The following FGF18 variants were observed in gnomAD, a reference collection of about 807,000 sequenced individuals.
The protein encoded by FGF18 is fibroblast growth factor 18.
Under a neutral mutation model 23.0 loss-of-function variants are expected in FGF18, and 5 were observed. The observed-to-expected ratio is 0.22, with a 90% CI of 0.11 to 0.46. FGF18 has a LOEUF of 0.46. Ranked by LOEUF, FGF18 falls within the 20% of genes least tolerant of loss-of-function variation. FGF18 has a pLI of 0.99. For missense variants in FGF18, 180 were observed against 291.6 expected (o/e 0.62, Z 2.79); for synonymous variants, 117 against 118.9 (o/e 0.98, Z 0.10).
At chr5:171,438,193 C>T (rs1467197060) in intron 3 of FGF18, among the ~76,000 whole-genome samples, 2 of 151,366 alleles carry the variant, frequency 1.3e-5, no homozygotes, top group African/African-American at 2.4e-5. Flanking sequence ...CCTCTGCCTC[C>T]TGGGTTCAAG....
rs56932885 is a variant in FGF18 at position 171,449,360 on chromosome 5, CGTGT to C, written c.357+145_357+148del. ...TGTCAGTCCCAAATGGAAAACAGGC[CGTGT>C]GTGTGTGTGTGTGTGTGTGTGTGTG... On this transcript the variant is annotated intron_variant, in intron 4 of 4. Transcript: ENST00000274625. 943 of 187,200 alleles carry C rather than the reference CGTGT, an allele frequency of 5.0e-3. 15 individuals are homozygous for C. The highest frequency in any genetic ancestry group is 0.032 in the African/African-American group (852 of 26,682). The allele number at this position is 187,200 out of a possible 1,614,324, so 11.6% of individuals were successfully genotyped here.
At chr5:171,453,731 G>A (rs973431843) in intron 4 of FGF18, among the ~76,000 whole-genome samples, 2 of 152,130 alleles carry the variant, frequency 1.3e-5, no homozygotes, top group African/African-American at 4.8e-5. Flanking sequence ...TCAATAAATG[G>A]TTAATGACTG....
At chr5:171,441,453 C>T (rs1300445182) in intron 3 of FGF18, among the ~76,000 whole-genome samples, 1 of 152,204 alleles carries the variant, frequency 6.6e-6, no homozygotes, top group African/African-American at 2.4e-5. Flanking sequence ...CCCGTGAACA[C>T]CCAAGCACTG....
intron 2 of FGF18, among the ~76,000 whole-genome samples, chr5:171,427,042 C>G (rs1196920411): frequency 6.6e-6 from 1 of 152,082 alleles, no homozygotes; most frequent in East Asian, 1.9e-4. Flanking sequence ...AACCCCGCCC[C>G]TACTAAAAAT....
chr5:171,448,075 A>G (rs1772444232), intron 3 of FGF18, among the ~76,000 whole-genome samples: 1 of 152,190 alleles, frequency 6.6e-6, no homozygotes, highest in African/African-American at 2.4e-5. Flanking sequence ...TGGTGGAGTG[A>G]GAGGAAAAGA....
At chr5:171,447,659 C>A (rs1339778459) in intron 3 of FGF18, among the ~76,000 whole-genome samples, 5 of 152,230 alleles carry the variant, frequency 3.3e-5, no homozygotes, top group Admixed American at 6.5e-5. Context: ...TTGGAAATCT[C>A]AAGTTCCAGA....
chr5:171,455,613 A>G (rs538253765), intron 4 of FGF18, among the ~76,000 whole-genome samples: 3 of 152,280 alleles, frequency 2.0e-5, no homozygotes, highest in South Asian at 4.1e-4. Context: ...ACTTTGCTTC[A>G]TCTGTGCTGG....
chr5:171,457,067 G>A lies in FGF18; in HGVS notation c.*262G>A. On this transcript the variant is annotated 3_prime_UTR_variant, in exon 5 of 5. Transcript: ENST00000274625. ...AGGTGCTTGTCTCTCTCTAGGAACA[G>A]ACAACTCTAAACTCGTCCCCAGAGG... 4.7e-6 allele frequency: 2 copies of A among 427,448 alleles called. No homozygotes were observed. Among genetic ancestry groups the A allele is most frequent in the Non-Finnish European group, 8.2e-6 (2 of 243,610 alleles). The allele number at this position is 427,448 out of a possible 1,614,324, so 26.5% of individuals were successfully genotyped here.
At chr5:171,455,267 A>G (rs1187677863) in intron 4 of FGF18, among the ~76,000 whole-genome samples, 1 of 152,188 alleles carries the variant, frequency 6.6e-6, no homozygotes, top group Non-Finnish European at 1.5e-5. Context: ...CACAGTTTGG[A>G]GTTTGGCCAT....
intron 2 of FGF18, among the ~76,000 whole-genome samples, chr5:171,430,500 A>G (rs1196231207): frequency 2.7e-5 from 4 of 150,894 alleles, no homozygotes; most frequent in Non-Finnish European, 5.9e-5. Context: ...AACTAAAGAA[A>G]AAAGAGGGCC....
chr5:171,425,529 CTT>C (rs77671680), intron 2 of FGF18, among the ~76,000 whole-genome samples: 206 of 106,188 alleles, frequency 1.9e-3, no homozygotes, highest in African/African-American at 6.8e-3. Flanking sequence ...CCGCCATGTG[CTT>C]TTTTTTTTTT....
chr5:171,438,518 G>C (rs1469677417), intron 3 of FGF18, among the ~76,000 whole-genome samples: 1 of 152,130 alleles, frequency 6.6e-6, no homozygotes, highest in Admixed American at 6.5e-5. Flanking sequence ...CAAGTGCCTG[G>C]GCGGGGCCAG....
At chr5:171,428,171 C>T (rs943229075) in intron 2 of FGF18, among the ~76,000 whole-genome samples, 46 of 152,200 alleles carry the variant, frequency 3.0e-4, no homozygotes, top group Admixed American at 2.6e-4. Context: ...GGAGGTCTGA[C>T]CCCTGCTGCA....
intron 2 of FGF18, among the ~76,000 whole-genome samples, chr5:171,420,705 C>G (rs542783221): frequency 2.0e-5 from 3 of 152,272 alleles, no homozygotes; most frequent in Admixed American, 6.5e-5. Flanking sequence ...GAGGAGATCC[C>G]GCAGAGCCGG....
rs1376616242 is a variant in FGF18 at position 171,442,705 on chromosome 5, G to A, written c.250+6432G>A. 2.0e-5 allele frequency among the ~76,000 whole-genome samples: 3 copies of A among 152,298 alleles called. No individual in the cohort carries two copies. In the East Asian group the frequency reaches 5.8e-4, roughly 29 times the overall value. On this transcript the variant is annotated intron_variant, in intron 3 of 4. Transcript: ENST00000274625. Reference sequence around the variant, plus strand: ...TGGGATTCAACTCTGTCTCTGTGCTGTGTCTCTCTCCAGGCCTCTGGCTGC... The same window carrying A: ...TGGGATTCAACTCTGTCTCTGTGCTATGTCTCTCTCCAGGCCTCTGGCTGC...
chr5:171,432,538 A>G (rs978045596), intron 2 of FGF18, among the ~76,000 whole-genome samples: 4 of 152,026 alleles, frequency 2.6e-5, no homozygotes, highest in Non-Finnish European at 4.4e-5. Flanking sequence ...CCTCCTGAGT[A>G]GCTGGGATTA....
intron 2 of FGF18, among the ~76,000 whole-genome samples, chr5:171,425,349 T>G (rs528046504): frequency 6.6e-6 from 1 of 151,996 alleles, no homozygotes; most frequent in East Asian, 1.9e-4. Context: ...GTTCAAGCAG[T>G]CCTCCTGCCT....
chr5:171,444,539 C>T (rs1772390440), intron 3 of FGF18, among the ~76,000 whole-genome samples: 1 of 151,138 alleles, frequency 6.6e-6, no homozygotes, highest in African/African-American at 2.4e-5. Context: ...TGAAAGAGGC[C>T]TCAGAGGTTA....
At position 171,456,528 on chromosome 5, in the gene FGF18, C is replaced by G; in HGVS notation, c.358-11C>G. ...TTTTTTTCTTGAACACTCCCCCTCT[C>G]TCCCCTGCAGCCCGATGGCACCAGC... On this transcript the variant is annotated splice_polypyrimidine_tract_variant and intron_variant, in intron 4 of 4. Coordinates refer to ENST00000274625, the MANE Select transcript of FGF18 (RefSeq NM_003862.3). The surrounding 1 kb of genome is among the most constrained non-coding windows in gnomAD (Gnocchi z 6.1). 6.2e-7 allele frequency: 1 copy of G among 1,609,848 alleles called. No homozygotes were observed. Among genetic ancestry groups the G allele is most frequent in the Non-Finnish European group, 8.5e-7 (1 of 1,176,830 alleles).
Sources: gnomAD v4.1 joint callset for allele counts (sites outside exome capture counted in the v4.1 genomes callset) on GRCh38, gnomAD v4.1.1 for gene constraint, Gnocchi (gnomAD v3.1) non-coding constraint, MANE v1.5 for transcripts, NCBI Gene and HGNC (gene_info 2026-07-23, HGNC 2026-07-21) for gene names.